The following GRID1 variants were observed in gnomAD, a reference collection of about 807,000 sequenced individuals.
GRID1 encodes glutamate receptor ionotropic, delta-1.
Under a neutral mutation model 98.0 loss-of-function variants are expected in GRID1, and 28 were observed. The observed-to-expected ratio is 0.29, with a 90% CI of 0.21 to 0.39. The LOEUF (loss-of-function observed/expected upper bound fraction) is 0.39, where lower values mean the gene tolerates loss of function less well. GRID1 is among the 10% of genes least tolerant of loss of function. The probability of loss-of-function intolerance (pLI) is 1.00; values close to 1 mark genes in which losing one functional copy is unlikely to be tolerated. For synonymous variants in GRID1, 553 were observed against 538.5 expected (o/e 1.03, Z -0.37); for missense variants, 1,111 against 1,340.5 (o/e 0.83, Z 2.67).
chr10:85,881,161 C>T (rs916258122), intron 5 of GRID1, among the ~76,000 whole-genome samples: 1 of 151,900 alleles, frequency 6.6e-6, no homozygotes, highest in South Asian at 2.1e-4. Context: ...ATGCTCATGG[C>T]TAGGAAGAAT....
intron 8 of GRID1, among the ~76,000 whole-genome samples, chr10:85,734,128 A>T (rs1841853803): frequency 6.6e-6 from 1 of 152,096 alleles, no homozygotes. Flanking sequence ...CTTTGGCTGT[A>T]AGGAATTTTG....
chr10:86,087,945 G>A (rs963625658), intron 4 of GRID1, among the ~76,000 whole-genome samples: 1 of 152,180 alleles, frequency 6.6e-6, no homozygotes, highest in African/African-American at 2.4e-5. Context: ...CTTATGCAGA[G>A]CACGTCCTAC....
intron 5 of GRID1, among the ~76,000 whole-genome samples, chr10:85,909,330 C>A (rs563264962): frequency 6.6e-6 from 1 of 152,216 alleles, no homozygotes; most frequent in Admixed American, 6.5e-5. Flanking sequence ...GAACTCTCAG[C>A]AACTTGGCAG....
At chr10:85,927,910 G>A (rs371749581) in intron 4 of GRID1, among the ~76,000 whole-genome samples, 3 of 152,334 alleles carry the variant, frequency 2.0e-5, no homozygotes, top group African/African-American at 7.2e-5. Context: ...CAGAAAAGAG[G>A]CAATGAGGAC....
intron 3 of GRID1, among the ~76,000 whole-genome samples, chr10:86,185,939 T>A (rs1393525701): frequency 6.6e-6 from 1 of 152,224 alleles, no homozygotes; most frequent in African/African-American, 2.4e-5. Flanking sequence ...GATCTAATAG[T>A]ATAAGTTTGG....
chr10:86,031,409 AG>A (rs1156455235), intron 4 of GRID1, among the ~76,000 whole-genome samples: 1 of 152,088 alleles, frequency 6.6e-6, no homozygotes, highest in Non-Finnish European at 1.5e-5. Flanking sequence ...GGACTTCAAA[AG>A]GGGGGGCAGG....
At chr10:85,766,817 T>C (rs977532194) in intron 8 of GRID1, among the ~76,000 whole-genome samples, 1 of 151,706 alleles carries the variant, frequency 6.6e-6, no homozygotes, top group Non-Finnish European at 1.5e-5. Context: ...TTTAGTATAT[T>C]TTATTATAAT....
chr10:86,077,428 A>G (rs112646037), intron 4 of GRID1, among the ~76,000 whole-genome samples: 7,773 of 152,192 alleles, frequency 0.051, 222 homozygotes, highest in Middle Eastern at 0.068. Context: ...GTCTGCAGCA[A>G]CCACACCTTT....
chr10:85,653,674 ACT>A (rs1343482894), intron 12 of GRID1, among the ~76,000 whole-genome samples: 2 of 152,084 alleles, frequency 1.3e-5, no homozygotes, highest in African/African-American at 2.4e-5. Context: ...GATCATGAAG[ACT>A]CTGTCTTGAT....
chr10:85,992,594 G>A (rs1842694163), intron 4 of GRID1, among the ~76,000 whole-genome samples: 1 of 150,108 alleles, frequency 6.7e-6, no homozygotes, highest in Non-Finnish European at 1.5e-5. Flanking sequence ...GGACAGAGCT[G>A]GCAGTGAGGA....
intron 3 of GRID1, among the ~76,000 whole-genome samples, chr10:86,194,872 C>G (rs1845851234): frequency 6.6e-6 from 1 of 152,006 alleles, no homozygotes; most frequent in Non-Finnish European, 1.5e-5. Context: ...TGCACAGCCC[C>G]CCTCACACCC....
chr10:86,225,052 TG>T (rs1382181498), intron 2 of GRID1, among the ~76,000 whole-genome samples: 8 of 152,194 alleles, frequency 5.3e-5, no homozygotes, highest in Non-Finnish European at 1.2e-4. Context: ...CAAGCCCAGG[TG>T]CAGAGGACTG....
chr10:86,346,150 G>A (rs1848378208), intron 2 of GRID1, among the ~76,000 whole-genome samples: 1 of 152,210 alleles, frequency 6.6e-6, no homozygotes, highest in African/African-American at 2.4e-5. Context: ...AGTATGCAGA[G>A]TGTCCAGACA....
At chr10:86,035,386 G>T (rs1419527418) in intron 4 of GRID1, among the ~76,000 whole-genome samples, 1 of 152,200 alleles carries the variant, frequency 6.6e-6, no homozygotes, top group Admixed American at 6.5e-5. Context: ...GCCAAAAAAG[G>T]GTGTCTATTT....
In GRID1 at chr10:85,675,028, T is replaced by C. The variant is rs535296209; in HGVS notation, c.1998-27631A>G. Among the ~76,000 whole-genome samples, 6 of 152,332 alleles carry C rather than the reference T, an allele frequency of 3.9e-5. No homozygotes were observed. The East Asian group carries it at 1.2e-3, about 29-fold the overall frequency. On this transcript the variant is annotated intron_variant, in intron 12 of 15. Coordinates refer to ENST00000327946, the MANE Select transcript of GRID1 (RefSeq NM_017551.3). ...ACTATCAATAGCTTCACAGCTGTTT[T>C]GGAGAAGATAAGAGACCGTCCATCA...
At chr10:85,968,397 G>A (rs962829733) in intron 4 of GRID1, among the ~76,000 whole-genome samples, 2 of 148,472 alleles carry the variant, frequency 1.3e-5, no homozygotes, top group African/African-American at 5.0e-5. Context: ...CTGGCTGTGA[G>A]CCGGGATCGC....
In GRID1 at chr10:86,298,169, ATAAAT is replaced by A. The variant is rs1213457594; in HGVS notation, c.235+65767_235+65771del. 2.0e-5 allele frequency among the ~76,000 whole-genome samples: 3 copies of A among 152,274 alleles called. 1 individual carries two copies. Among genetic ancestry groups the A allele is most frequent in the Non-Finnish European group, 2.9e-5 (2 of 68,050 alleles). On this transcript the variant is annotated intron_variant, in intron 2 of 15. Coordinates refer to ENST00000327946, the MANE Select transcript of GRID1 (RefSeq NM_017551.3). ...ACCTCTAACAAAAGGTGATGTTTAA[ATAAAT>A]TAAAGAACATCAATTTAATGGCCAA...
At chr10:85,879,654 C>A in intron 5 of GRID1, among the ~76,000 whole-genome samples, 1 of 151,802 alleles carries the variant, frequency 6.6e-6, no homozygotes. Context: ...CACTAAATGC[C>A]CACAAGAGAA....
chr10:86,057,814 A>C (rs1843595112), intron 4 of GRID1, among the ~76,000 whole-genome samples: 1 of 152,156 alleles, frequency 6.6e-6, no homozygotes, highest in South Asian at 2.1e-4. Context: ...TGGCCATGGA[A>C]CTGTTTAGTT....
Sources: gnomAD v4.1 joint callset for allele counts (sites outside exome capture counted in the v4.1 genomes callset) on GRCh38, gnomAD v4.1.1 for gene constraint, MANE v1.5 for transcripts, NCBI Gene and HGNC (gene_info 2026-07-23, HGNC 2026-07-21) for gene names.